The following COL2A1 variants were observed in gnomAD, a reference collection of about 807,000 sequenced individuals.
The protein encoded by COL2A1 is collagen alpha-1(II) chain.
COL2A1 carries 28 observed loss-of-function variants against 204.5 expected under a neutral mutation model. That is an observed-to-expected ratio of 0.14 (90% CI 0.10 to 0.19). The LOEUF (loss-of-function observed/expected upper bound fraction) is 0.19, where lower values mean the gene tolerates loss of function less well. COL2A1 is among the 10% of genes least tolerant of loss of function. The pLI is 1.00. For synonymous variants in COL2A1, 708 were observed against 718.7 expected (o/e 0.99, Z 0.24); for missense variants, 1,388 against 2,027.5 (o/e 0.68, Z 6.06).
At position 47,974,657 on chromosome 12, in the gene COL2A1, G is replaced by A. The variant is rs530907799; in HGVS notation, c.4074+18C>T. 1.2e-6 allele frequency: 2 copies of A among 1,613,146 alleles called. No individual in the cohort carries two copies. The highest frequency in any genetic ancestry group is 4.5e-5 in the East Asian group (2 of 44,884). On this transcript the variant is annotated intron_variant, in intron 52 of 53. Coordinates refer to ENST00000380518, the MANE Select transcript of COL2A1 (RefSeq NM_001844.5). ...AGGAGCCATCTCTGCTCATCATCTA[G>A]GGCACCCAGGTACTCACATGGAAGC...
Position 48,000,116 on chromosome 12 carries a change from C to T in COL2A1, c.95G>A (p.Gly32Asp). The change falls in exon 2 of 54, where the codon GGC becomes GAC. Residue 32 changes from glycine to aspartate, a missense_variant. Physicochemically the swap from Gly to Asp is moderately conservative, Grantham distance 94. Around this residue, in one of 3 missense-constraint regions of COL2A1, gnomAD observed 201 missense variants for 242.4 expected, o/e 0.83. Transcript: ENST00000380518. ...RCQGQDVQEAGSCVQDGQRYN... is the reference protein window; with the variant it reads ...RCQGQDVQEADSCVQDGQRYN... ...CCTCTGCCCATCCTGCACACAGCTG[C>T]CAGCCTCCTCTGCACCAAGGGTGGG... 1 of 1,612,642 alleles carries T rather than the reference C, an allele frequency of 6.2e-7. No homozygotes were observed. The highest frequency in any genetic ancestry group is 8.5e-7 in the Non-Finnish European group (1 of 1,179,604).
At chr12:47,991,126 AGCC>A (rs1939680069) in intron 16 of COL2A1, among the ~76,000 whole-genome samples, 1 of 152,252 alleles carries the variant, frequency 6.6e-6, no homozygotes. Flanking sequence ...GATTGGCCAC[AGCC>A]CCTCTGGGCT....
Position 48,004,306 on chromosome 12 carries a change from C to T in COL2A1, c.16G>A (p.Ala6Thr), listed in dbSNP as rs1283945940. Residue 6 changes from alanine (A) to threonine (T), a missense_variant, in exon 1 of 54, where the codon GCT (alanine) becomes ACT (threonine). This residue lies in a region of COL2A1 where 201 missense variants were observed against 242.4 expected (regional missense o/e 0.83). Transcript: ENST00000380518. MIRLG[A>T]PQTLVLLTLL... is the part of the protein sequence containing the mutation. ...GTCAGCAGCACCAGCGTCTGGGGAGCCCCGAGGCGAATCATGGCTCACCGC... is the reference window on the plus strand; with the variant it reads ...GTCAGCAGCACCAGCGTCTGGGGAGTCCCGAGGCGAATCATGGCTCACCGC... The T allele has an allele frequency of 1.3e-6, 2 of 1,548,880 alleles. No homozygotes were observed. Among genetic ancestry groups the T allele is most frequent in the Non-Finnish European group, 1.7e-6 (2 of 1,145,506 alleles).
At position 47,980,752 on chromosome 12, in the gene COL2A1, G is replaced by GT. The variant is rs1565674818; in HGVS notation, c.2518-92dup. On this transcript the variant is annotated intron_variant, in intron 38 of 53. Coordinates refer to ENST00000380518, the MANE Select transcript of COL2A1 (RefSeq NM_001844.5). This position sits in a 1 kb window ranked among gnomAD's most constrained non-coding sequence, Gnocchi z 4.5. ...AGCAGGAGACTCTGTGAGTATCTGC[G>GT]TGTGTGTCCTGGTCTGGACATGATG... is the stretch of plus-strand genomic sequence containing the variant. 4 of 1,418,192 alleles carry GT rather than the reference G, an allele frequency of 2.8e-6. No individual in the cohort carries two copies. The African/African-American group carries it at 5.7e-5, about 20-fold the overall frequency. The allele number at this position is 1,418,192 out of a possible 1,614,324, so 87.9% of individuals were successfully genotyped here.
At chr12:47,992,993 T>A (rs1483750174) in intron 15 of COL2A1, 62 bp from the exon 16 acceptor site, 2 of 1,519,360 alleles carry the variant, frequency 1.3e-6, no homozygotes, top group African/African-American at 2.7e-5. Flanking sequence ...GGGTGACCAT[T>A]TCTACCTGCA....
chr12:48,004,104 A>G (rs1592243795), intron 1 of COL2A1, 133 bp downstream of exon 1: 1 of 707,096 alleles, frequency 1.4e-6, no homozygotes, highest in Non-Finnish European at 2.6e-6. Context: ...CCTGTGCCTA[A>G]GTCGGCGCGC....
In COL2A1 at chr12:47,976,840, G is replaced by A. The variant is rs1378291308; in HGVS notation, c.3407C>T (p.Thr1136Ile). 1 of 1,613,496 alleles carries A rather than the reference G, an allele frequency of 6.2e-7. No homozygotes were observed. The change falls in exon 48 of 54, where the codon ACT becomes ATT. Residue 1136 changes from threonine to isoleucine, a missense_variant. Thr to Ile is a moderately conservative substitution (Grantham distance 89). Coordinates refer to ENST00000380518, the MANE Select transcript of COL2A1 (RefSeq NM_001844.5). This position sits in a 1 kb window ranked among gnomAD's most constrained non-coding sequence, Gnocchi z 4.3. ...ERGLKGHRGF[T>I]GLQGLPGPPG... The stretch of plus-strand genomic sequence containing the variant: ...AGGGCCGGGCAGACCCTGCAGACCA[G>A]TGAAGCCACGGTGTCCCTTCAGGCC...
chr12:47,974,028 C>G (rs1938566475), intron 53 of COL2A1, 61 bp downstream of exon 53: 1 of 1,613,412 alleles, frequency 6.2e-7, no homozygotes, highest in Admixed American at 1.7e-5. Context: ...CGGGCCAACC[C>G]TCAGCCCTGC....
At chr12:47,992,216 C>G (rs1460257028) in intron 16 of COL2A1, among the ~76,000 whole-genome samples, 4 of 152,206 alleles carry the variant, frequency 2.6e-5, no homozygotes, top group Non-Finnish European at 5.9e-5. Context: ...AGCTGCCAAT[C>G]CCCTCACCCT....
intron 2 of COL2A1, among the ~76,000 whole-genome samples, chr12:47,999,040 T>A (rs1400329772): frequency 6.6e-6 from 1 of 152,192 alleles, no homozygotes; most frequent in East Asian, 1.9e-4. Context: ...GATCTGGGAA[T>A]CTGCACATTA....
intron 13 of COL2A1, 59 bp from the exon 14 acceptor site, chr12:47,993,921 G>C: frequency 6.2e-7 from 1 of 1,612,584 alleles, no homozygotes. Flanking sequence ...TGGAAGAAAT[G>C]CACGCACCCC....
chr12:47,995,382 A>G (rs975588743), intron 10 of COL2A1, 74 bp from the exon 11 acceptor site: 1 of 1,323,422 alleles, frequency 7.6e-7, no homozygotes. Flanking sequence ...AAACTTTGAC[A>G]TTGTAGTTTT....
At chr12:47,981,298 C>T (rs1939066035) in intron 37 of COL2A1, 45 bp downstream of exon 37, 1 of 1,599,822 alleles carries the variant, frequency 6.3e-7, no homozygotes, top group African/African-American at 1.3e-5. Context: ...TCTCTGGTTC[C>T]CAGGGGCCTC....
At chr12:47,997,545 C>A in intron 7 of COL2A1, 61 bp downstream of exon 7, 1 of 1,613,362 alleles carries the variant, frequency 6.2e-7, no homozygotes, top group Non-Finnish European at 8.5e-7. Flanking sequence ...GTGCAAGCAG[C>A]AATTTAAAAG....
chr12:47,984,996 T>C lies in COL2A1; in HGVS notation c.1832A>G (p.Asn611Ser), dbSNP rs142492439. The stretch of plus-strand genomic sequence containing the variant: ...ATAGAAGAGCAAATTATTACTTACG[T>C]TGGCACCTTTGGGGCCAGGGAAACC... ...VMGFPGPKGA[N>S]GEPGKAGEKG... is the part of the protein sequence containing the mutation. The change falls in exon 27 of 54, where the codon AAC (asparagine) becomes AGC (serine). Residue 611 changes from asparagine to serine, a missense_variant and splice_region_variant. By Grantham distance (46) the Asn-to-Ser change is conservative. Transcript: ENST00000380518. The C allele has an allele frequency of 1.4e-5, 23 of 1,613,176 alleles. No individual in the cohort carries two copies. Among genetic ancestry groups the C allele is most frequent in the East Asian group, 8.9e-5 (4 of 44,894 alleles).
chr12:47,992,398 A>G (rs1428613892), intron 16 of COL2A1, among the ~76,000 whole-genome samples: 1 of 152,182 alleles, frequency 6.6e-6, no homozygotes, highest in Non-Finnish European at 1.5e-5. Context: ...CATATAGGGT[A>G]TTAAACACAG....
intron 29 of COL2A1, 150 bp downstream of exon 29, chr12:47,983,937 G>T (rs1282398687): frequency 1.1e-6 from 1 of 940,750 alleles, no homozygotes; most frequent in Non-Finnish European, 1.7e-6. Context: ...CAGCCTCCTG[G>T]GACACCCTGC....
At chr12:47,986,925 T>C in intron 21 of COL2A1, 37 bp from the exon 22 acceptor site, 4 of 1,613,354 alleles carry the variant, frequency 2.5e-6, no homozygotes, top group Non-Finnish European at 3.4e-6. Context: ...CCAGATTCTC[T>C]CCAGGGAGCC....
At chr12:47,997,463 A>G in intron 7 of COL2A1, 143 bp downstream of exon 7, 1 of 1,442,178 alleles carries the variant, frequency 6.9e-7, no homozygotes, top group Non-Finnish European at 9.7e-7. Context: ...CTTCTAAATT[A>G]CAGGCCTGAG....
Sources: allele counts gnomAD v4.1 joint callset (sites outside exome capture counted in the v4.1 genomes callset), GRCh38; gene constraint gnomAD v4.1.1; regional missense constraint gnomAD v4.1.1; non-coding constraint Gnocchi (gnomAD v3.1); transcripts MANE v1.5; gene names NCBI Gene and HGNC (gene_info 2026-07-23, HGNC 2026-07-21).